Variants in NEBL observed in about 807,000 individuals in gnomAD.
NEBL encodes LIM and SH3 protein 2.
In NEBL, 122 loss-of-function variants were observed where a neutral mutation model predicts 140.2. The observed-to-expected ratio is 0.87, with a 90% CI of 0.75 to 1.01. NEBL has a LOEUF of 1.01. Ranked by LOEUF, NEBL falls within the 50% of genes least tolerant of loss-of-function variation. NEBL has a pLI of 0.00. For missense variants in NEBL, 1,365 were observed against 1,231.3 expected (o/e 1.11, Z -1.62); for synonymous variants, 436 against 398.9 (o/e 1.09, Z -1.11).
chr10:20,803,812 A>ATATATATAT (rs1564338203), intron 26 of NEBL, among the ~76,000 whole-genome samples: 4 of 143,566 alleles, frequency 2.8e-5, no homozygotes, highest in African/African-American at 1.0e-4. Flanking sequence ...CTGTACGAAA[A>ATATATATAT]ATATATATAT....
chr10:21,173,621 G>A lies in NEBL; in HGVS notation c.69+144C>T. 1 of 1,382,006 alleles carries A rather than the reference G, an allele frequency of 7.2e-7. No homozygotes were observed. The highest frequency in any genetic ancestry group is 1.0e-6 in the Non-Finnish European group (1 of 998,070). The allele number at this position is 1,382,006 out of a possible 1,614,324, so 85.6% of individuals were successfully genotyped here. On this transcript the variant is annotated intron_variant, in intron 1 of 6. Transcript: ENST00000417816. This position sits in a 1 kb window ranked among gnomAD's most constrained non-coding sequence, Gnocchi z 5.7. ...CTCTGACACTCCCGCTGGCGTCTTC[G>A]TTCGCGCGCCCTCCCCCCGTGCCAA...
At chr10:21,153,551 C>G (rs528050149) in intron 2 of NEBL, among the ~76,000 whole-genome samples, 1 of 151,094 alleles carries the variant, frequency 6.6e-6, no homozygotes, top group East Asian at 1.9e-4. Flanking sequence ...AATTTTGAGA[C>G]GGAGTCTCAC....
At chr10:21,285,695 T>C (rs1442303703) in intron 1 of NEBL, among the ~76,000 whole-genome samples, 1 of 152,196 alleles carries the variant, frequency 6.6e-6, no homozygotes, top group African/African-American at 2.4e-5. Flanking sequence ...TTCACTGAAA[T>C]TTTTCAAGAT....
intron 2 of NEBL, among the ~76,000 whole-genome samples, chr10:21,080,844 G>C (rs924011227): frequency 6.6e-6 from 1 of 151,844 alleles, no homozygotes; most frequent in Non-Finnish European, 1.5e-5. Context: ...ATGTGATCTG[G>C]TTTTTTTGTT....
intron 3 of NEBL, among the ~76,000 whole-genome samples, chr10:21,196,680 G>T (rs988957859): frequency 6.6e-5 from 10 of 152,130 alleles, no homozygotes; most frequent in Admixed American, 6.6e-4. Flanking sequence ...TGATACTGGA[G>T]ACAGCTCTTT....
intron 4 of NEBL, among the ~76,000 whole-genome samples, chr10:20,887,705 G>C (rs546203242): frequency 6.2e-4 from 94 of 152,258 alleles, no homozygotes; most frequent in Admixed American, 2.0e-3. Context: ...GCCTGAGCCA[G>C]AGTGTCCAGC....
chr10:21,078,149 G>C (rs1375735482), intron 2 of NEBL, among the ~76,000 whole-genome samples: 1 of 152,188 alleles, frequency 6.6e-6, no homozygotes, highest in Admixed American at 6.5e-5. Flanking sequence ...AACAATCAAA[G>C]CTGGAAGCTT....
At chr10:20,973,133 A>C (rs1235548226) in intron 3 of NEBL, among the ~76,000 whole-genome samples, 1 of 152,236 alleles carries the variant, frequency 6.6e-6, no homozygotes, top group African/African-American at 2.4e-5. Flanking sequence ...GCTATGTAAC[A>C]GCAGGTATGA....
At chr10:21,237,653 C>G (rs1247629043) in intron 3 of NEBL, among the ~76,000 whole-genome samples, 11 of 151,984 alleles carry the variant, frequency 7.2e-5, no homozygotes, top group African/African-American at 2.2e-4. Context: ...GTCACCCAGG[C>G]TGGAGGGCAG....
At chr10:20,850,281 G>A in intron 11 of NEBL, 114 bp downstream of exon 11, 1 of 862,192 alleles carries the variant, frequency 1.2e-6, no homozygotes, top group Non-Finnish European at 1.9e-6. Flanking sequence ...GCAGGTCCTT[G>A]AATCTGCCCA....
chr10:21,049,733 T>G (rs1834685862), intron 2 of NEBL, among the ~76,000 whole-genome samples: 1 of 152,206 alleles, frequency 6.6e-6, no homozygotes, highest in African/African-American at 2.4e-5. Flanking sequence ...CTCCCCCTAC[T>G]GCAGTGACAT....
chr10:21,181,370 A>C (rs967640681), intron 3 of NEBL, among the ~76,000 whole-genome samples: 9 of 152,188 alleles, frequency 5.9e-5, no homozygotes, highest in Admixed American at 6.5e-5. Context: ...AAAAAAAAAA[A>C]CCAAAGTGAA....
At chr10:21,115,476 G>C (rs1043545396) in intron 2 of NEBL, among the ~76,000 whole-genome samples, 1 of 151,796 alleles carries the variant, frequency 6.6e-6, no homozygotes, top group Non-Finnish European at 1.5e-5. Flanking sequence ...TGTCTGGGAA[G>C]GTCTTTATTT....
intron 4 of NEBL, among the ~76,000 whole-genome samples, chr10:20,910,365 C>T (rs1015880518): frequency 6.6e-6 from 1 of 152,140 alleles, no homozygotes; most frequent in Non-Finnish European, 1.5e-5. Flanking sequence ...ACTTAAGTTC[C>T]TTATGTTATA....
chr10:21,225,873 GC>G (rs779628752), intron 3 of NEBL, among the ~76,000 whole-genome samples: 4 of 152,016 alleles, frequency 2.6e-5, no homozygotes, highest in Non-Finnish European at 4.4e-5. Context: ...TTAGTACCCT[GC>G]CCCACTGTGG....
Position 21,106,741 on chromosome 10 carries a change from A to C in NEBL, c.164+65642T>G, listed in dbSNP as rs555434860. Among the ~76,000 whole-genome samples the C allele has an allele frequency of 1.1e-4, 17 of 152,222 alleles. No homozygotes were observed. The South Asian group carries it at 2.9e-3, about 26-fold the overall frequency. On this transcript the variant is annotated intron_variant, in intron 2 of 6. Transcript: ENST00000417816. ...TGTGAAGAAAGTCAGTAGTAGCTTGATGGGGATAGTATTGAATGTATAAAT... is the reference window on the plus strand; with the variant it reads ...TGTGAAGAAAGTCAGTAGTAGCTTGCTGGGGATAGTATTGAATGTATAAAT...
At chr10:20,978,646 C>A (rs1836902253) in intron 3 of NEBL, among the ~76,000 whole-genome samples, 1 of 151,688 alleles carries the variant, frequency 6.6e-6, no homozygotes, top group Admixed American at 6.6e-5. Flanking sequence ...GTGTTCCCAG[C>A]TACTCAGGAG....
At chr10:20,812,030 C>T (rs1245193634) in intron 24 of NEBL, among the ~76,000 whole-genome samples, 2 of 152,268 alleles carry the variant, frequency 1.3e-5, no homozygotes, top group Admixed American at 1.3e-4. Context: ...AATTGCAAGA[C>T]TTTCAGATGG....
At chr10:20,951,760 G>C (rs1466052990) in intron 4 of NEBL, among the ~76,000 whole-genome samples, 1 of 152,138 alleles carries the variant, frequency 6.6e-6, no homozygotes, top group South Asian at 2.1e-4. Context: ...ATACATAAGA[G>C]TTCTGGTTTT....
Sources: gnomAD v4.1 joint callset for allele counts (sites outside exome capture counted in the v4.1 genomes callset) on GRCh38, gnomAD v4.1.1 for gene constraint, Gnocchi (gnomAD v3.1) non-coding constraint, MANE v1.5 for transcripts, NCBI Gene and HGNC (gene_info 2026-07-23, HGNC 2026-07-21) for gene names.